DNAJC17: variants seen among roughly 807,000 people sequenced by gnomAD.
The protein encoded by DNAJC17 is DnaJ heat shock protein family (Hsp40) member C17, also known as dnaJ homolog subfamily C member 17.
DNAJC17 carries 35 observed loss-of-function variants against 48.1 expected under a neutral mutation model. That is an observed-to-expected ratio of 0.73 (90% confidence interval 0.56 to 0.96). The LOEUF (loss-of-function observed/expected upper bound fraction) is 0.96. Among genes scored for constraint, DNAJC17 ranks in the 50% least tolerant of loss-of-function variants. The pLI, the probability that DNAJC17 is intolerant of heterozygous loss-of-function variation, is 0.00. For synonymous variants in DNAJC17, 117 were observed against 142.7 expected (o/e 0.82, Z 1.28); for missense variants, 355 against 377.1 (o/e 0.94, Z 0.48).
chr15:40,780,094 T>C, intron 1 of DNAJC17, 97 bp from the exon 2 acceptor site: 4 of 1,217,338 alleles, frequency 3.3e-6, no homozygotes, highest in Non-Finnish European at 4.7e-6. Flanking sequence ...CATGCACACC[T>C]AAAAGAGAAG....
chr15:40,784,188 C>G (rs1889581428), intron 1 of DNAJC17, among the ~76,000 whole-genome samples: 1 of 151,944 alleles, frequency 6.6e-6, no homozygotes, highest in Non-Finnish European at 1.5e-5. Flanking sequence ...TGCACTCCAG[C>G]CTGGGCGACA....
intron 1 of DNAJC17, among the ~76,000 whole-genome samples, chr15:40,783,972 A>G: frequency 6.6e-6 from 1 of 151,584 alleles, no homozygotes; most frequent in East Asian, 1.9e-4. Flanking sequence ...CACGCCTGTA[A>G]TCCCAGCATT....
chr15:40,781,727 C>A (rs1191380801), intron 1 of DNAJC17, among the ~76,000 whole-genome samples: 1 of 151,274 alleles, frequency 6.6e-6, no homozygotes, highest in African/African-American at 2.4e-5. Flanking sequence ...TGAGACCATC[C>A]CGGCTAACAC....
chr15:40,771,046 C>G (rs1866170), intron 10 of DNAJC17: 1 of 1,546,146 alleles, frequency 6.5e-7, no homozygotes, highest in Non-Finnish European at 8.7e-7. Context: ...TGGGCAAAGC[C>G]GGGGTGACTG....
chr15:40,779,372 A>G (rs978818397), intron 3 of DNAJC17, 62 bp from the exon 4 acceptor site: 59 of 1,594,208 alleles, frequency 3.7e-5, no homozygotes, highest in Non-Finnish European at 4.6e-5. Context: ...GAGCCCCGGC[A>G]ATCTGCCTGG....
intron 10 of DNAJC17, among the ~76,000 whole-genome samples, chr15:40,773,032 C>T (rs1218453988): frequency 1.3e-5 from 2 of 150,468 alleles, no homozygotes; most frequent in Non-Finnish European, 2.9e-5. Context: ...ACGATCTCGG[C>T]TCACTGCAAC....
chr15:40,806,072 G>C (rs895239409), intron 1 of DNAJC17, among the ~76,000 whole-genome samples: 1 of 152,082 alleles, frequency 6.6e-6, no homozygotes, highest in Non-Finnish European at 1.5e-5. Flanking sequence ...GCAGGGGACA[G>C]ATTTGTGCAG....
At chr15:40,771,145 T>C in intron 10 of DNAJC17, 1 of 919,734 alleles carries the variant, frequency 1.1e-6, no homozygotes, top group Non-Finnish European at 1.6e-6. Flanking sequence ...AGCTTCTTCA[T>C]CCTGGGGGAG....
intron 1 of DNAJC17, chr15:40,780,530 A>G (rs1039286070): frequency 5.5e-6 from 2 of 364,092 alleles, no homozygotes; most frequent in Non-Finnish European, 1.1e-5. Context: ...AAAGATTATG[A>G]TTGGCCGGTG....
chr15:40,767,291 G>A lies in DNAJC17; in HGVS notation c.*649C>T, dbSNP rs950242373. 5 of 1,604,188 alleles carry A rather than the reference G, an allele frequency of 3.1e-6. No individual in the cohort carries two copies. In the South Asian group the frequency reaches 3.3e-5, roughly 11 times the overall value. On this transcript the variant is annotated 3_prime_UTR_variant, in exon 11 of 11. Coordinates refer to ENST00000220496, the MANE Select transcript of DNAJC17 (RefSeq NM_018163.3). ...GACAAGCTGGAACGCAGGGGCTTCC[G>A]TGTGCTGAGCATGACGGGGGTGGGC...
chr15:40,803,151 C>CAA (rs59835838), intron 1 of DNAJC17, among the ~76,000 whole-genome samples: 126 of 139,024 alleles, frequency 9.1e-4, no homozygotes, highest in Middle Eastern at 3.8e-3. Flanking sequence ...AGAATAAATA[C>CAA]AAAAAAAAAA....
intron 1 of DNAJC17, among the ~76,000 whole-genome samples, chr15:40,806,312 G>A (rs12909824): frequency 0.3 from 43,724 of 146,188 alleles, 7,205 homozygotes; most frequent in South Asian, 0.46. Flanking sequence ...TCCGCCTCCC[G>A]GGTTCCAGTG....
chr15:40,775,624 T>C (rs1479502782), intron 6 of DNAJC17, 28 bp from the exon 7 acceptor site: 2 of 1,608,306 alleles, frequency 1.2e-6, no homozygotes, highest in Non-Finnish European at 1.7e-6. Flanking sequence ...AGAAGAAAAG[T>C]AGAATATGAG....
chr15:40,795,207 C>T (rs983783661), intron 1 of DNAJC17, among the ~76,000 whole-genome samples: 2 of 147,410 alleles, frequency 1.4e-5, no homozygotes, highest in African/African-American at 5.0e-5. Context: ...CATGACCACG[C>T]CCCTGCACTC....
intron 10 of DNAJC17, among the ~76,000 whole-genome samples, chr15:40,772,634 C>T (rs1449182525): frequency 1.3e-5 from 2 of 152,226 alleles, no homozygotes; most frequent in Non-Finnish European, 2.9e-5. Context: ...ACGGAGCAGG[C>T]TGGCGTGGGT....
At chr15:40,784,692 G>C (rs566097666) in intron 1 of DNAJC17, among the ~76,000 whole-genome samples, 89 of 152,306 alleles carry the variant, frequency 5.8e-4, no homozygotes, top group Non-Finnish European at 1.3e-4. Flanking sequence ...GCCAGGTAGA[G>C]AGCATAGACT....
chr15:40,776,777 A>C (rs546094084), intron 4 of DNAJC17, 150 bp from the exon 5 acceptor site: 60 of 694,396 alleles, frequency 8.6e-5, no homozygotes, highest in Non-Finnish European at 1.4e-4. Context: ...CACGCCCCCG[A>C]GTCAATTTCC....
chr15:40,805,062 C>T (rs1890164898), intron 1 of DNAJC17, among the ~76,000 whole-genome samples: 1 of 151,528 alleles, frequency 6.6e-6, no homozygotes, highest in South Asian at 2.1e-4. Context: ...AATAGTTTCT[C>T]ACTATTAATA....
In DNAJC17 at chr15:40,766,085, T is replaced by TC; in HGVS notation, c.*1854dup. On this transcript the variant is annotated 3_prime_UTR_variant, in exon 11 of 11. Transcript: ENST00000220496. ...AGGAGTTGGTCCCATCTGTAGCCTC[T>TC]CCAACATCCCCCCTCTCCCCCACGA... 2.3e-6 allele frequency: 1 copy of TC among 440,292 alleles called. No individual in the cohort carries two copies. Among genetic ancestry groups the TC allele is most frequent in the Admixed American group, 4.1e-5 (1 of 24,644 alleles). The allele number at this position is 440,292 out of a possible 1,614,324, so 27.3% of individuals were successfully genotyped here.
Sources: gnomAD v4.1 joint callset for allele counts (sites outside exome capture counted in the v4.1 genomes callset) on GRCh38, gnomAD v4.1.1 for gene constraint, MANE v1.5 for transcripts, NCBI Gene and HGNC (gene_info 2026-07-23, HGNC 2026-07-21) for gene names.